Variants in LRRC63 observed in about 807,000 individuals in gnomAD.
LRRC63 encodes the protein leucine-rich repeat-containing protein 63.
In LRRC63, 40 loss-of-function variants were observed where a neutral mutation model predicts 49.5. The ratio of observed to expected loss-of-function variants is 0.81; its 90% CI spans 0.63 to 1.05. LRRC63 has a LOEUF of 1.05. Among genes scored for constraint, LRRC63 ranks in the 50% least tolerant of loss-of-function variants. The pLI is 0.00. For synonymous variants in LRRC63, 191 were observed against 221.1 expected (o/e 0.86, Z 1.21); for missense variants, 636 against 663.1 (o/e 0.96, Z 0.45).
At chr13:46,240,986 A>T (rs1235334735) in intron 5 of LRRC63, among the ~76,000 whole-genome samples, 3 of 152,216 alleles carry the variant, frequency 2.0e-5, no homozygotes, top group African/African-American at 7.2e-5. Flanking sequence ...AAAAACTATT[A>T]TAAAATTCAT....
chr13:46,212,728 T>C (rs1175911784), intron 1 of LRRC63, among the ~76,000 whole-genome samples: 1 of 152,252 alleles, frequency 6.6e-6, no homozygotes. Context: ...TGTACTAACA[T>C]GGAAAATTGT....
chr13:46,266,853 A>G, exon 9 of LRRC63: 1 of 1,549,824 alleles, frequency 6.5e-7, no homozygotes, highest in Non-Finnish European at 8.7e-7. Context: ...GTTTTTGGAG[A>G]GATAATTATT....
intron 4 of LRRC63, among the ~76,000 whole-genome samples, chr13:46,229,630 T>A (rs2046685222): frequency 6.6e-6 from 1 of 152,094 alleles, no homozygotes; most frequent in Non-Finnish European, 1.5e-5. Context: ...AATCAAAAAA[T>A]CTGCATACAA....
chr13:46,261,108 C>T (rs1221632394), intron 7 of LRRC63, among the ~76,000 whole-genome samples: 1 of 152,138 alleles, frequency 6.6e-6, no homozygotes, highest in East Asian at 1.9e-4. Context: ...CTTCTGACAG[C>T]ACAACTATGT....
chr13:46,264,660 A>T (rs1231561298), intron 8 of LRRC63, among the ~76,000 whole-genome samples: 1 of 119,958 alleles, frequency 8.3e-6, no homozygotes, highest in Non-Finnish European at 1.6e-5. Context: ...TCCACAGAAG[A>T]TGCTTGTCCC....
chr13:46,252,326 T>G (rs1157093590), intron 7 of LRRC63, among the ~76,000 whole-genome samples: 1 of 151,948 alleles, frequency 6.6e-6, no homozygotes, highest in African/African-American at 2.4e-5. Context: ...TGAATTAAAT[T>G]GAGTGAAATT....
exon 5 of LRRC63, chr13:46,234,298 C>G: frequency 6.5e-7 from 1 of 1,550,214 alleles, no homozygotes; most frequent in South Asian, 1.2e-5. Context: ...CCATGACCAA[C>G]CTGGCCATAG....
At chr13:46,214,221 A>G (rs918029912) in intron 2 of LRRC63, among the ~76,000 whole-genome samples, 5 of 152,216 alleles carry the variant, frequency 3.3e-5, no homozygotes, top group African/African-American at 9.6e-5. Flanking sequence ...AAATATACCT[A>G]GTCTATAACT....
At chr13:46,266,823 G>C (rs1161552546) in exon 9 of LRRC63, 1 of 1,550,140 alleles carries the variant, frequency 6.5e-7, no homozygotes, top group African/African-American at 1.4e-5. Context: ...TTCAGTTTGA[G>C]AATAATTTCA....
chr13:46,228,719 C>G lies in LRRC63; in HGVS notation c.818C>G (p.Pro273Arg). The change falls in exon 4 of 10, where the codon CCA (proline) becomes CGA (arginine). Residue 273 changes from proline (P) to arginine (R), a missense_variant. Coordinates refer to ENST00000595396, the Ensembl canonical transcript of LRRC63. The stretch of plus-strand genomic sequence containing the variant: ...GAAAGTGTCCCAAAGCAAATCCCAC[C>G]AAGACCACCTGAAGGTAAATGCTAG... The G allele has an allele frequency of 1.9e-6, 3 of 1,540,414 alleles. No individual in the cohort carries two copies. In the South Asian group the frequency reaches 3.6e-5, roughly 18 times the overall value.
chr13:46,231,763 C>T lies in LRRC63; in HGVS notation c.833-2429C>T, dbSNP rs2046764600. ...AACCTCTAGTGATCCTCCTCGGCCT[C>T]CCAAAGTGCTGGGATTACAGATGTG... On this transcript the variant is annotated intron_variant, in intron 4 of 9. Coordinates refer to ENST00000595396, the Ensembl canonical transcript of LRRC63. Among the ~76,000 whole-genome samples the T allele has an allele frequency of 4.0e-5, 6 of 151,872 alleles. No homozygotes were observed. In the South Asian group the frequency reaches 1.3e-3, roughly 32 times the overall value.
chr13:46,250,194 T>C (rs889173207), intron 6 of LRRC63, 161 bp from the exon 7 acceptor site: 3 of 569,046 alleles, frequency 5.3e-6, no homozygotes, highest in Non-Finnish European at 9.1e-6. Flanking sequence ...GGTCACTTGT[T>C]TTGAAGGTTG....
intron 7 of LRRC63, among the ~76,000 whole-genome samples, chr13:46,256,247 A>G (rs2047508699): frequency 6.6e-6 from 1 of 152,264 alleles, no homozygotes; most frequent in African/African-American, 2.4e-5. Context: ...AGAAGGACAA[A>G]GACAGTATGA....
At chr13:46,230,519 C>A (rs2046717620) in intron 4 of LRRC63, among the ~76,000 whole-genome samples, 1 of 152,144 alleles carries the variant, frequency 6.6e-6, no homozygotes, top group African/African-American at 2.4e-5. Context: ...GGCTAAAGGC[C>A]CGAGAGCCCC....
exon 10 of LRRC63, chr13:46,276,826 G>GCATATATA (rs1555330592): frequency 1.0e-4 from 17 of 165,350 alleles, no homozygotes; most frequent in African/African-American, 5.3e-4. Context: ...TCGTATGTGT[G>GCATATATA]TGTATATATA....
rs868063911 is a variant in LRRC63 at position 46,228,740 on chromosome 13, G to A, written c.832+7G>A. ...CCACCAAGACCACCTGAAGGTAAATGCTAGATTTATACAATTCTTTTAGAA... is the reference window on the plus strand; with the variant it reads ...CCACCAAGACCACCTGAAGGTAAATACTAGATTTATACAATTCTTTTAGAA... On this transcript the variant is annotated splice_region_variant and intron_variant, in intron 4 of 9. Transcript: ENST00000595396. 1 of 1,507,350 alleles carries A rather than the reference G, an allele frequency of 6.6e-7. No individual in the cohort carries two copies. 93.4% of individuals were successfully genotyped at this position (1,507,350 alleles called of 1,614,324 possible). A position where few individuals can be genotyped will look rare whatever the true frequency, so the allele number is the denominator to read the frequency against.
chr13:46,266,452 T>C (rs1432042882), intron 8 of LRRC63, among the ~76,000 whole-genome samples: 1 of 152,228 alleles, frequency 6.6e-6, no homozygotes, highest in African/African-American at 2.4e-5. Context: ...TAATCTTGTG[T>C]TTGTGGATAT....
At chr13:46,275,924 G>A (rs999835868) in intron 9 of LRRC63, among the ~76,000 whole-genome samples, 2 of 152,038 alleles carry the variant, frequency 1.3e-5, no homozygotes, top group Non-Finnish European at 2.9e-5. Context: ...TGGTTTTATA[G>A]TTTGTTTAAA....
intron 5 of LRRC63, 68 bp downstream of exon 5, chr13:46,234,417 A>G (rs957089077): frequency 8.3e-6 from 12 of 1,443,420 alleles, no homozygotes; most frequent in Admixed American, 6.7e-5. Context: ...AAATTTCCCA[A>G]TATAGATTAG....
Sources: gnomAD v4.1 joint callset for allele counts (sites outside exome capture counted in the v4.1 genomes callset) on GRCh38, gnomAD v4.1.1 for gene constraint, MANE v1.5 for transcripts, NCBI Gene and HGNC (gene_info 2026-07-23, HGNC 2026-07-21) for gene names.